The following NGEF variants were observed in gnomAD, a reference collection of about 807,000 sequenced individuals.
NGEF encodes the protein ephexin-1.
Under a neutral mutation model 80.9 loss-of-function variants are expected in NGEF, and 31 were observed. The observed-to-expected ratio is 0.38, with a 90% CI of 0.29 to 0.52. The LOEUF (loss-of-function observed/expected upper bound fraction) is 0.52. NGEF is among the 20% of genes least tolerant of loss of function. NGEF has a pLI of 0.84. For synonymous variants in NGEF, 371 were observed against 370.2 expected, an observed-to-expected ratio of 1.00 and a Z score of -0.03; for missense variants, 709 against 926.2, an observed-to-expected ratio of 0.77 and a Z score of 3.04.
chr2:232,906,188 T>C (rs868455371), intron 5 of NGEF, among the ~76,000 whole-genome samples: 495 of 8,982 alleles, frequency 0.055, 9 homozygotes, highest in Non-Finnish European at 0.068. Context: ...GCCCCCCGCC[T>C]GGCCAGCCGC....
chr2:233,012,055 AGGGG>A (rs1417701986), intron 1 of NGEF, among the ~76,000 whole-genome samples: 2 of 152,098 alleles, frequency 1.3e-5, no homozygotes, highest in African/African-American at 2.4e-5. Context: ...ACATGGGCAA[AGGGG>A]AAGCCTAAAT....
At position 232,996,375 on chromosome 2, in the gene NGEF, C is replaced by T. The variant is rs146110461; in HGVS notation, c.-75+16693G>A. ...AAACAACAACAACAACAGCAACCGA[C>T]CAATTGCTGGGAAATGTGTTAGTGC... On this transcript the variant is annotated intron_variant, in intron 1 of 14. Transcript: ENST00000264051. 2.7e-3 allele frequency among the ~76,000 whole-genome samples: 416 copies of T among 152,266 alleles called. 3 individuals are homozygous for T. The highest frequency in any genetic ancestry group is 9.1e-3 in the African/African-American group (379 of 41,540).
chr2:232,929,029 C>G (rs553897539), intron 3 of NGEF, among the ~76,000 whole-genome samples: 10 of 152,304 alleles, frequency 6.6e-5, no homozygotes, highest in South Asian at 4.1e-4. Context: ...CGCCTACCCT[C>G]GCGAAGGCCC....
chr2:232,987,946 A>G (rs1033036914), intron 1 of NGEF, among the ~76,000 whole-genome samples: 3 of 152,048 alleles, frequency 2.0e-5, no homozygotes, highest in African/African-American at 7.2e-5. Flanking sequence ...GCCAAGCAAT[A>G]GGAGACCCAA....
At chr2:233,011,226 C>T (rs1695195892) in intron 1 of NGEF, among the ~76,000 whole-genome samples, 1 of 151,784 alleles carries the variant, frequency 6.6e-6, no homozygotes, top group Non-Finnish European at 1.5e-5. Flanking sequence ...ACTTCAAAGC[C>T]TCACACATAC....
chr2:232,885,330 G>A lies in NGEF; in HGVS notation c.1387C>T (p.Arg463Cys), dbSNP rs1309453054. 3 of 1,614,108 alleles carry A rather than the reference G, an allele frequency of 1.9e-6. No individual in the cohort carries two copies. Among genetic ancestry groups the A allele is most frequent in the Admixed American group, 1.7e-5 (1 of 60,024 alleles). ...TGAATGCTGATCATCTGTTCCGTGC[G>A]GCTCATTTTCCTGACGCCCTCGTTG... ...ACNEGVRKMS[R>C]TEQMISIQKK... The change falls in exon 10 of 15, where the codon CGC becomes TGC. Residue 463 changes from arginine to cysteine, a missense_variant. Around this residue, in one of 2 missense-constraint regions of NGEF, gnomAD observed 426 missense variants for 622.9 expected, o/e 0.68. Transcript: ENST00000264051.
At chr2:232,902,275 C>A (rs1244632220) in intron 5 of NGEF, among the ~76,000 whole-genome samples, 1 of 152,214 alleles carries the variant, frequency 6.6e-6, no homozygotes, top group East Asian at 1.9e-4. Context: ...TAAGAAGAAA[C>A]CCCTCAAAGG....
chr2:232,914,707 TATA>T (rs1692755915), intron 5 of NGEF, among the ~76,000 whole-genome samples: 1 of 147,956 alleles, frequency 6.8e-6, no homozygotes, highest in African/African-American at 2.5e-5. Context: ...TCTCAAAAAA[TATA>T]ATAATAAAAT....
At chr2:232,905,535 A>T (rs2106258201) in intron 5 of NGEF, 2 of 285,106 alleles carry the variant, frequency 7.0e-6, no homozygotes, top group South Asian at 2.7e-5. Context: ...CCGTCTGGGA[A>T]GTGAGGAGCG....
intron 3 of NGEF, among the ~76,000 whole-genome samples, chr2:232,927,721 C>A (rs1421821972): frequency 6.6e-6 from 1 of 151,780 alleles, no homozygotes; most frequent in Non-Finnish European, 1.5e-5. Context: ...TCAACACCCA[C>A]CCGATGGGGT....
At chr2:232,969,463 TTCCTTCCTTCTTCCTTCC>T (rs1559228966) in intron 3 of NGEF, among the ~76,000 whole-genome samples, 1 of 90,742 alleles carries the variant, frequency 1.1e-5, no homozygotes, top group African/African-American at 6.8e-5. Flanking sequence ...CCTTCCTTCC[TTCCTTCCTTCTTCCTTCC>T]TTCCTTCCTC....
intron 1 of NGEF, among the ~76,000 whole-genome samples, chr2:232,997,330 T>C (rs1198184603): frequency 6.6e-6 from 1 of 152,124 alleles, no homozygotes; most frequent in African/African-American, 2.4e-5. Context: ...CTTGTCGTTG[T>C]TGTTGCTTTT....
At position 232,959,429 on chromosome 2, in the gene NGEF, C is replaced by T. The variant is rs12612592; in HGVS notation, c.383+10785G>A. 9.2e-3 allele frequency among the ~76,000 whole-genome samples: 1,408 copies of T among 152,270 alleles called. 43 individuals carry two copies. The East Asian group carries it at 0.11, about 12-fold the overall frequency. ...TCAATAAACACCTGACAAGCTGCCC[C>T]AGGCTTACTGAACATGCAACTTGTA... is the stretch of plus-strand genomic sequence containing the variant. On this transcript the variant is annotated intron_variant, in intron 3 of 14. Transcript: ENST00000264051.
Position 232,893,163 on chromosome 2 carries a change from G to A in NGEF, c.990-113C>T, listed in dbSNP as rs114699345. 9.8e-4 allele frequency: 1,060 copies of A among 1,077,276 alleles called. 9 individuals are homozygous for A. In the African/African-American group the frequency reaches 0.015, roughly 15 times the overall value. 66.7% of individuals were successfully genotyped at this position (1,077,276 alleles called of 1,614,324 possible). On this transcript the variant is annotated intron_variant, in intron 6 of 14. Coordinates refer to ENST00000264051, the MANE Select transcript of NGEF (RefSeq NM_019850.3). ...GGACATTGGACATAGCAGTGTGCAC[G>A]GTGAGCGTACAGGCCGACAAGATCC...
intron 4 of NGEF, among the ~76,000 whole-genome samples, chr2:232,926,563 T>A (rs1473715875): frequency 6.6e-6 from 1 of 152,118 alleles, no homozygotes; most frequent in Non-Finnish European, 1.5e-5. Flanking sequence ...CTGTGCAAAG[T>A]TGGCCACCGC....
intron 14 of NGEF, 22 bp from the exon 15 acceptor site, chr2:232,879,701 A>G (rs371068982): frequency 2.2e-5 from 35 of 1,600,538 alleles, no homozygotes; most frequent in Non-Finnish European, 2.5e-5. Flanking sequence ...GGGGAGGGAG[A>G]GAAGGTCAGT....
intron 1 of NGEF, among the ~76,000 whole-genome samples, chr2:232,987,704 T>G (rs1694561870): frequency 6.6e-6 from 1 of 152,154 alleles, no homozygotes; most frequent in African/African-American, 2.4e-5. Context: ...GAGCTGGCTT[T>G]GAGCTGGGGG....
intron 4 of NGEF, among the ~76,000 whole-genome samples, chr2:232,924,333 T>A (rs1346238190): frequency 6.6e-6 from 1 of 152,206 alleles, no homozygotes; most frequent in African/African-American, 2.4e-5. Context: ...GGATGCACCA[T>A]CTTTGAAGCA....
intron 5 of NGEF, among the ~76,000 whole-genome samples, chr2:232,898,036 C>T (rs765958308): frequency 3.3e-5 from 5 of 149,684 alleles, no homozygotes; most frequent in Non-Finnish European, 7.4e-5. Flanking sequence ...CAGTGTCCAC[C>T]GACACAAAAG....
Sources: allele counts gnomAD v4.1 joint callset (sites outside exome capture counted in the v4.1 genomes callset), GRCh38; gene constraint gnomAD v4.1.1; regional missense constraint gnomAD v4.1.1; transcripts MANE v1.5; gene names NCBI Gene and HGNC (gene_info 2026-07-23, HGNC 2026-07-21).